The following MGRN1 variants were observed in gnomAD, a reference collection of about 807,000 sequenced individuals.
MGRN1 encodes the protein E3 ubiquitin-protein ligase MGRN1.
Under a neutral mutation model 69.2 loss-of-function variants are expected in MGRN1, and 29 were observed. The ratio of observed to expected loss-of-function variants is 0.42; its 90% CI spans 0.31 to 0.57. The LOEUF is 0.57. Among genes scored for constraint, MGRN1 ranks in the 20% least tolerant of loss-of-function variants. The probability of loss-of-function intolerance (pLI) is 0.15; values close to 1 mark genes in which losing one functional copy is unlikely to be tolerated. For missense variants in MGRN1, 998 were observed against 796.2 expected, an observed-to-expected ratio of 1.25 and a Z score of -3.05; for synonymous variants, 470 against 344.2, an observed-to-expected ratio of 1.37 and a Z score of -4.04.
At chr16:4,657,519 G>T (rs561241461) in intron 5 of MGRN1, among the ~76,000 whole-genome samples, 156 bp downstream of exon 5, 1 of 152,208 alleles carries the variant, frequency 6.6e-6, no homozygotes, top group African/African-American at 2.4e-5. Context: ...TGGACGTGTG[G>T]ATGGGCGGGA....
At chr16:4,657,944 G>C (rs1466978740) in intron 5 of MGRN1, among the ~76,000 whole-genome samples, 1 of 151,034 alleles carries the variant, frequency 6.6e-6, no homozygotes, top group Non-Finnish European at 1.5e-5. Flanking sequence ...GGGTTTCACC[G>C]TGTTAGCCAG....
chr16:4,688,517 C>G (rs374434260), intron 16 of MGRN1: 2 of 1,219,186 alleles, frequency 1.6e-6, no homozygotes, highest in Non-Finnish European at 2.0e-6. Context: ...GCATCCACCG[C>G]GGTGCCGTGT....
chr16:4,678,547 A>G (rs2079106165), intron 11 of MGRN1, among the ~76,000 whole-genome samples: 2 of 151,888 alleles, frequency 1.3e-5, no homozygotes, highest in South Asian at 4.1e-4. Context: ...GGAGAGACAG[A>G]TGTGGAGAGA....
intron 9 of MGRN1, among the ~76,000 whole-genome samples, chr16:4,672,917 C>G (rs886229685): frequency 1.3e-5 from 2 of 152,178 alleles, no homozygotes; most frequent in Non-Finnish European, 2.9e-5. Flanking sequence ...TGGCCCACTG[C>G]AAGCTCCGCC....
intron 16 of MGRN1, among the ~76,000 whole-genome samples, chr16:4,684,609 C>G (rs976284528): frequency 5.9e-5 from 9 of 152,266 alleles, no homozygotes; most frequent in African/African-American, 1.7e-4. Flanking sequence ...GGTTGCTCTT[C>G]TCACCTTTCC....
chr16:4,636,965 A>C (rs1898327334), intron 1 of MGRN1, among the ~76,000 whole-genome samples: 1 of 151,692 alleles, frequency 6.6e-6, no homozygotes, highest in Non-Finnish European at 1.5e-5. Flanking sequence ...TAAAAATACA[A>C]ACAATTAGCA....
chr16:4,672,963 T>C (rs2078971775), intron 9 of MGRN1, among the ~76,000 whole-genome samples: 1 of 152,112 alleles, frequency 6.6e-6, no homozygotes, highest in Admixed American at 6.6e-5. Context: ...CTCAGCCTCC[T>C]GAGTAGCTGG....
chr16:4,639,026 A>G (rs1297398399), intron 1 of MGRN1, among the ~76,000 whole-genome samples: 1 of 152,082 alleles, frequency 6.6e-6, no homozygotes, highest in Non-Finnish European at 1.5e-5. Flanking sequence ...AATGTCTCTC[A>G]CTGGTTGTGT....
At chr16:4,678,456 G>A (rs749575174) in intron 11 of MGRN1, among the ~76,000 whole-genome samples, 1 of 151,946 alleles carries the variant, frequency 6.6e-6, no homozygotes, top group Non-Finnish European at 1.5e-5. Context: ...GAGAGACAAA[G>A]GGAGAGACAG....
intron 3 of MGRN1, 53 bp from the exon 4 acceptor site, chr16:4,652,625 C>T: frequency 4.5e-6 from 7 of 1,556,680 alleles, no homozygotes. Context: ...AGGAGGCAGC[C>T]TCCGCAGATG....
chr16:4,627,769 G>C (rs1035753954), intron 1 of MGRN1, among the ~76,000 whole-genome samples: 1 of 147,332 alleles, frequency 6.8e-6, no homozygotes, highest in African/African-American at 2.5e-5. Context: ...CAGCCTGGGT[G>C]ACAGAGCGAG....
At chr16:4,644,762 C>A (rs188162773) in intron 1 of MGRN1, among the ~76,000 whole-genome samples, 1 of 152,220 alleles carries the variant, frequency 6.6e-6, no homozygotes, top group African/African-American at 2.4e-5. Flanking sequence ...TCACAACTTA[C>A]GTCCTTCCAG....
chr16:4,655,667 A>G (rs1356650364), intron 4 of MGRN1, among the ~76,000 whole-genome samples: 2 of 152,016 alleles, frequency 1.3e-5, no homozygotes, highest in African/African-American at 4.8e-5. Context: ...CCCCTCTCTC[A>G]GGACGCGGTG....
intron 5 of MGRN1, among the ~76,000 whole-genome samples, chr16:4,663,130 C>T (rs1293007946): frequency 6.6e-6 from 1 of 151,898 alleles, no homozygotes; most frequent in Non-Finnish European, 1.5e-5. Flanking sequence ...GTGGTGTGAT[C>T]TCGGCTCACT....
At chr16:4,627,663 T>C (rs1050790842) in intron 1 of MGRN1, among the ~76,000 whole-genome samples, 48 of 151,188 alleles carry the variant, frequency 3.2e-4, no homozygotes, top group African/African-American at 6.9e-4. Flanking sequence ...ATGGCAGGCG[T>C]CTATAGTCCC....
intron 16 of MGRN1, among the ~76,000 whole-genome samples, chr16:4,684,985 C>T (rs2079275600): frequency 6.6e-6 from 1 of 152,220 alleles, no homozygotes. Context: ...GCTCTTGTGC[C>T]CCCGGACTCT....
At chr16:4,668,142 TTTTC>T in intron 7 of MGRN1, 119 bp from the exon 8 acceptor site, 1 of 669,200 alleles carries the variant, frequency 1.5e-6, no homozygotes, top group South Asian at 2.5e-5. Context: ...TTTTTTTCTT[TTTTC>T]TTTTTCCAGC....
Position 4,627,433 on chromosome 16 carries a change from G to A in MGRN1, c.88+2385G>A, listed in dbSNP as rs59639209. Among the ~76,000 whole-genome samples the A allele has an allele frequency of 3.2e-3, 487 of 152,330 alleles. 6 individuals carry two copies. The highest frequency in any genetic ancestry group is 0.011 in the African/African-American group (476 of 41,574). ...ATAGCTTTATTGAGATGTAGTTCATGTACCACACAACTCATCCATTGTAAA... is the reference window on the plus strand; with the variant it reads ...ATAGCTTTATTGAGATGTAGTTCATATACCACACAACTCATCCATTGTAAA... On this transcript the variant is annotated intron_variant, in intron 1 of 16. Transcript: ENST00000262370.
chr16:4,676,214 A>T (rs1207881671), intron 10 of MGRN1, among the ~76,000 whole-genome samples: 2 of 152,128 alleles, frequency 1.3e-5, no homozygotes, highest in Non-Finnish European at 2.9e-5. Flanking sequence ...CAGATCCTGT[A>T]GCAGGGAGGG....
Sources: allele counts gnomAD v4.1 joint callset (sites outside exome capture counted in the v4.1 genomes callset), GRCh38; gene constraint gnomAD v4.1.1; transcripts MANE v1.5; gene names NCBI Gene and HGNC (gene_info 2026-07-23, HGNC 2026-07-21).